CYP2J2: variants seen among roughly 807,000 people sequenced by gnomAD.
CYP2J2 encodes cytochrome P450 family 2 subfamily J member 2, also known as cytochrome P450 2J2.
In CYP2J2, 41 loss-of-function variants were observed where a neutral mutation model predicts 48.8. The observed-to-expected ratio is 0.84, with a 90% confidence interval of 0.66 to 1.09. CYP2J2 has a LOEUF of 1.09. Among genes scored for constraint, CYP2J2 ranks in the 50% least tolerant of loss-of-function variants. The pLI, the probability that CYP2J2 is intolerant of heterozygous loss-of-function variation, is 0.00. For synonymous variants in CYP2J2, 221 were observed against 227.1 expected (o/e 0.97, Z 0.24); for missense variants, 644 against 617.3 (o/e 1.04, Z -0.46).
chr1:59,935,274 G>A, the CYP2J2 span, among the ~76,000 whole-genome samples: 2 of 151,736 alleles, frequency 1.3e-5, no homozygotes, highest in African/African-American at 4.8e-5. Flanking sequence ...GGGAGATGTT[G>A]GTTAAAGGGT....
intron 5 of CYP2J2, among the ~76,000 whole-genome samples, chr1:59,908,502 AT>A (rs1203782588): frequency 2.6e-5 from 4 of 152,202 alleles, no homozygotes; most frequent in Admixed American, 1.3e-4. Flanking sequence ...AAACTCACTG[AT>A]TCTACCAACC....
At chr1:59,947,137 A>G in the CYP2J2 span, among the ~76,000 whole-genome samples, 1 of 151,884 alleles carries the variant, frequency 6.6e-6, no homozygotes, top group Non-Finnish European at 1.5e-5. Context: ...CCACTGTGCT[A>G]TGCTCCTCCT....
chr1:59,909,382 T>A (rs1298015053), intron 5 of CYP2J2, among the ~76,000 whole-genome samples: 1 of 152,134 alleles, frequency 6.6e-6, no homozygotes, highest in Non-Finnish European at 1.5e-5. Flanking sequence ...CCCAGTGTTA[T>A]CATAATAGTC....
At chr1:59,966,468 T>C in the CYP2J2 span, among the ~76,000 whole-genome samples, 1 of 152,198 alleles carries the variant, frequency 6.6e-6, no homozygotes, top group African/African-American at 2.4e-5. Flanking sequence ...GAAAGTCACG[T>C]AGATTACACA....
the CYP2J2 span, among the ~76,000 whole-genome samples, chr1:59,950,608 T>A: frequency 6.6e-6 from 1 of 152,164 alleles, no homozygotes; most frequent in Non-Finnish European, 1.5e-5. Context: ...ATGAAGCGGG[T>A]AATTTAAATC....
chr1:59,935,015 C>CATATATATATATATATATACATACATAT, the CYP2J2 span, among the ~76,000 whole-genome samples: 1 of 47,496 alleles, frequency 2.1e-5, no homozygotes. Flanking sequence ...TATATATATA[C>CATATATATATATATATATACATACATAT]ATATATATAT....
At chr1:59,914,181 A>G (rs1559076893) in intron 2 of CYP2J2, among the ~76,000 whole-genome samples, 1 of 152,072 alleles carries the variant, frequency 6.6e-6, no homozygotes, top group African/African-American at 2.4e-5. Flanking sequence ...AACTGATACT[A>G]TTTTTCTTTC....
chr1:59,909,282 T>C (rs1359121250), intron 5 of CYP2J2, among the ~76,000 whole-genome samples: 1 of 152,186 alleles, frequency 6.6e-6, no homozygotes, highest in African/African-American at 2.4e-5. Context: ...GTCTGGAACC[T>C]AGGGATGTTA....
chr1:59,965,492 G>A, the CYP2J2 span, among the ~76,000 whole-genome samples: 1 of 152,170 alleles, frequency 6.6e-6, no homozygotes, highest in Non-Finnish European at 1.5e-5. Flanking sequence ...GTCATCTACT[G>A]TCAGAGTGGC....
intron 8 of CYP2J2, among the ~76,000 whole-genome samples, chr1:59,897,249 G>C (rs943773202): frequency 6.6e-6 from 1 of 152,072 alleles, no homozygotes; most frequent in Non-Finnish European, 1.5e-5. Flanking sequence ...TATCCTAAAA[G>C]AATCCATATA....
chr1:59,935,021 T>TATATATATATATATATAC, the CYP2J2 span, among the ~76,000 whole-genome samples: 6 of 48,134 alleles, frequency 1.2e-4, no homozygotes, highest in Non-Finnish European at 2.6e-4. Flanking sequence ...TATACATATA[T>TATATATATATATATATAC]ATATATATAT....
chr1:59,954,327 T>C, the CYP2J2 span, among the ~76,000 whole-genome samples: 1 of 152,190 alleles, frequency 6.6e-6, no homozygotes, highest in African/African-American at 2.4e-5. Context: ...TAAAAATCAC[T>C]TTGGTTCAGT....
chr1:59,944,193 A>G, the CYP2J2 span, among the ~76,000 whole-genome samples: 2 of 152,162 alleles, frequency 1.3e-5, no homozygotes, highest in Non-Finnish European at 2.9e-5. Flanking sequence ...AAAGTTATAA[A>G]CAATGCTTCA....
At chr1:59,894,150 T>A (rs1355929756) in intron 8 of CYP2J2, among the ~76,000 whole-genome samples, 1 of 152,044 alleles carries the variant, frequency 6.6e-6, no homozygotes, top group African/African-American at 2.4e-5. Flanking sequence ...CTAAGAGCTT[T>A]AAAAAAATCA....
chr1:59,909,063 C>T (rs986777221), intron 5 of CYP2J2, among the ~76,000 whole-genome samples: 2 of 152,124 alleles, frequency 1.3e-5, no homozygotes, highest in East Asian at 3.9e-4. Context: ...CTCCAAATAA[C>T]AGTAAAGGGT....
chr1:59,893,733 T>C lies in CYP2J2; in HGVS notation c.1427A>G (p.Asn476Ser). 5 of 1,613,268 alleles carry C rather than the reference T, an allele frequency of 3.1e-6. No homozygotes were observed. Among genetic ancestry groups the C allele is most frequent in the Non-Finnish European group, 4.2e-6 (5 of 1,179,632 alleles). The change falls in exon 9 of 9, where the codon AAT becomes AGT. Residue 476 changes from asparagine (N) to serine (S), a missense_variant. Transcript: ENST00000371204. Reference sequence around the variant, plus strand: ...TCTAAACTTCAGGCTCAGCTTCTCATTGTTTGGGGGCCTGAAGGTAAATTT... The same window carrying C: ...TCTAAACTTCAGGCTCAGCTTCTCACTGTTTGGGGGCCTGAAGGTAAATTT... ...MQKFTFRPPN[N>S]EKLSLKFRMG...
rs1456714651 is a variant in CYP2J2 at position 59,926,755 on chromosome 1, C to T, written c.-9G>A. On this transcript the variant is annotated 5_prime_UTR_variant, in exon 1 of 9. Transcript: ENST00000371204. ...CCCATCGCCGCGAGCATGGCTCAGA[C>T]GTCCTCCTGCTCTTCTGCGGTCCAA... 1.9e-6 allele frequency: 3 copies of T among 1,608,270 alleles called. No homozygotes were observed. The highest frequency in any genetic ancestry group is 1.7e-6 in the Non-Finnish European group (2 of 1,177,250).
At chr1:59,914,364 G>A (rs915727111) in intron 2 of CYP2J2, among the ~76,000 whole-genome samples, 9 of 152,186 alleles carry the variant, frequency 5.9e-5, no homozygotes, top group African/African-American at 1.9e-4. Flanking sequence ...AAGAAAGAGA[G>A]ATCAGACTGT....
the CYP2J2 span, among the ~76,000 whole-genome samples, chr1:59,969,017 A>G: frequency 5.9e-5 from 9 of 151,622 alleles, no homozygotes; most frequent in Non-Finnish European, 8.8e-5. Flanking sequence ...AACAGCTCTT[A>G]AGGCAGTGCG....
Sources: gnomAD v4.1 joint callset for allele counts (sites outside exome capture counted in the v4.1 genomes callset) on GRCh38, gnomAD v4.1.1 for gene constraint, MANE v1.5 for transcripts, NCBI Gene and HGNC (gene_info 2026-07-23, HGNC 2026-07-21) for gene names.